The following TULP4 variants were observed in gnomAD, a reference collection of about 807,000 sequenced individuals.
TULP4 encodes TUB like protein 4, also known as tubby-related protein 4.
Under a neutral mutation model 129.0 loss-of-function variants are expected in TULP4, and 16 were observed. The ratio of observed to expected loss-of-function variants is 0.12; its 90% CI spans 0.08 to 0.19. The LOEUF is 0.19. TULP4 is among the 10% of genes least tolerant of loss of function. TULP4 has a pLI of 1.00. For missense variants in TULP4, 1,842 were observed against 2,059.1 expected, an observed-to-expected ratio of 0.89 and a Z score of 2.04; for synonymous variants, 998 against 854.0, an observed-to-expected ratio of 1.17 and a Z score of -2.94.
At chr6:158,490,469 A>G (rs955857332) in intron 9 of TULP4, among the ~76,000 whole-genome samples, 1 of 152,206 alleles carries the variant, frequency 6.6e-6, no homozygotes, top group African/African-American at 2.4e-5. Context: ...TCCACTGTAG[A>G]ACCTTTTTCT....
intron 1 of TULP4, among the ~76,000 whole-genome samples, chr6:158,246,695 C>T (rs2128449639): frequency 6.6e-6 from 1 of 152,208 alleles, no homozygotes; most frequent in East Asian, 1.9e-4. Context: ...ATTTTGAATT[C>T]ATGGATTTAA....
chr6:158,384,337 G>A (rs1047687401), intron 1 of TULP4, among the ~76,000 whole-genome samples: 1 of 148,558 alleles, frequency 6.7e-6, no homozygotes, highest in African/African-American at 2.5e-5. Context: ...ACCCAGGCTG[G>A]AGTGCAGTGG....
At chr6:158,400,139 A>T (rs1198901476) in intron 1 of TULP4, among the ~76,000 whole-genome samples, 1 of 152,244 alleles carries the variant, frequency 6.6e-6, no homozygotes, top group Non-Finnish European at 1.5e-5. Context: ...TACCATTTTG[A>T]TAAAGTTTAC....
intron 1 of TULP4, among the ~76,000 whole-genome samples, chr6:158,296,298 A>G (rs1779030266): frequency 6.6e-6 from 1 of 151,952 alleles, no homozygotes. Context: ...CGCCCCCAAT[A>G]TTTCAACGTA....
At chr6:158,455,751 A>T (rs1779279347) in intron 5 of TULP4, among the ~76,000 whole-genome samples, 1 of 151,840 alleles carries the variant, frequency 6.6e-6, no homozygotes, top group African/African-American at 2.4e-5. Context: ...AAAAAAAAAA[A>T]ATTATTTGCA....
chr6:158,471,389 T>C (rs548923772), intron 6 of TULP4, among the ~76,000 whole-genome samples: 1 of 152,304 alleles, frequency 6.6e-6, no homozygotes, highest in African/African-American at 2.4e-5. Flanking sequence ...GTGAGTGTAG[T>C]AGCAGGGCCA....
chr6:158,432,128 G>A (rs1372744104), intron 3 of TULP4, among the ~76,000 whole-genome samples: 2 of 143,934 alleles, frequency 1.4e-5, no homozygotes, highest in East Asian at 2.0e-4. Context: ...AAAAAAAAAA[G>A]GATTTGCAGG....
At chr6:158,383,139 C>T (rs2114920517) in intron 1 of TULP4, among the ~76,000 whole-genome samples, 1 of 152,302 alleles carries the variant, frequency 6.6e-6, no homozygotes, top group African/African-American at 2.4e-5. Flanking sequence ...TGTGCATCCT[C>T]CTCAAAGTCC....
Position 158,507,186 on chromosome 6 carries a change from CTGAT to C in TULP4, c.*494_*497del, listed in dbSNP as rs1162259121. On this transcript the variant is annotated 3_prime_UTR_variant, in exon 14 of 14. Transcript: ENST00000367097. ...GGATGGGGACAGCATTTGATTTACACTGATTATGTTACTCCCCAAAAGGTGACTT... is the reference window on the plus strand; with the variant it reads ...GGATGGGGACAGCATTTGATTTACACTATGTTACTCCCCAAAAGGTGACTT... 1.8e-5 allele frequency: 3 copies of C among 162,800 alleles called. No homozygotes were observed. The highest frequency in any genetic ancestry group is 7.2e-5 in the African/African-American group (3 of 41,462). 10.1% of individuals were successfully genotyped at this position (162,800 alleles called of 1,614,324 possible).
intron 6 of TULP4, among the ~76,000 whole-genome samples, chr6:158,464,213 TG>T (rs1321402695): frequency 6.6e-6 from 1 of 152,180 alleles, no homozygotes; most frequent in Non-Finnish European, 1.5e-5. Context: ...GGTCACAGCT[TG>T]GTTTTGTACA....
intron 1 of TULP4, among the ~76,000 whole-genome samples, chr6:158,285,297 A>G (rs1778817100): frequency 6.6e-6 from 1 of 152,076 alleles, no homozygotes; most frequent in Admixed American, 6.5e-5. Flanking sequence ...GTTGTTTATT[A>G]ACAATAAACA....
At chr6:158,489,800 A>T (rs1018833308) in intron 9 of TULP4, 68 bp downstream of exon 9, 44 of 1,586,876 alleles carry the variant, frequency 2.8e-5, no homozygotes, top group Non-Finnish European at 3.7e-5. Context: ...TGCCTGCAAC[A>T]GAATCGCATT....
Position 158,313,329 on chromosome 6 carries a change from G to A in TULP4, c.-688G>A, listed in dbSNP as rs1393545372. On this transcript the variant is annotated 5_prime_UTR_variant, in exon 1 of 14. Coordinates refer to ENST00000367097, the MANE Select transcript of TULP4 (RefSeq NM_020245.5). ...CTGGTTCTGAAACAACAAGGAGAGA[G>A]TCTGTTTTTCTTCCTAAAATTTGGA... 4 of 395,862 alleles carry A rather than the reference G, an allele frequency of 1.0e-5. No homozygotes were observed. The East Asian group carries it at 1.4e-4, about 14-fold the overall frequency. 24.5% of individuals were successfully genotyped at this position (395,862 alleles called of 1,614,324 possible).
chr6:158,340,054 T>C (rs1780145505), intron 1 of TULP4, among the ~76,000 whole-genome samples: 1 of 152,234 alleles, frequency 6.6e-6, no homozygotes, highest in South Asian at 2.1e-4. Flanking sequence ...TTAATTGTAT[T>C]GGCCAGGTGA....
chr6:158,483,389 G>A (rs1313995639), intron 8 of TULP4, among the ~76,000 whole-genome samples: 2 of 152,182 alleles, frequency 1.3e-5, no homozygotes, highest in African/African-American at 4.8e-5. Flanking sequence ...CTGCAGTGCA[G>A]TGGTGCCATT....
chr6:158,413,613 A>T lies in TULP4; in HGVS notation c.381+420A>T, dbSNP rs1328269260. 1.3e-5 allele frequency among the ~76,000 whole-genome samples: 2 copies of T among 152,196 alleles called. No homozygotes were observed. Among genetic ancestry groups the T allele is most frequent in the African/African-American group, 4.8e-5 (2 of 41,436 alleles). ...CTTCTCACAACCTGCTCAACAAGGA[A>T]AGGGTGCTACAATCTCTTCCACAGG... On this transcript the variant is annotated intron_variant, in intron 2 of 13. Transcript: ENST00000367097. The surrounding 1 kb of genome is among the most constrained non-coding windows in gnomAD (Gnocchi z 4.9).
At chr6:158,256,767 C>T (rs776760447) in intron 1 of TULP4, among the ~76,000 whole-genome samples, 2 of 152,162 alleles carry the variant, frequency 1.3e-5, no homozygotes, top group Non-Finnish European at 2.9e-5. Context: ...GTGATGTCGT[C>T]CCTCCCTATG....
rs532910188 is a variant in TULP4 at position 158,297,257 on chromosome 6, A to T, written n.117-14794A>T. Among the ~76,000 whole-genome samples, 106 of 152,320 alleles carry T rather than the reference A, an allele frequency of 7.0e-4. 1 individual carries two copies. The highest frequency in any genetic ancestry group is 6.9e-3 in the Admixed American group (105 of 15,304). ...CGTCCATTTATAGGCTCTCTGCAAG[A>T]AGAAAAATATGGCTGTATTCTGCCT... On this transcript the variant is annotated intron_variant and non_coding_transcript_variant, in intron 1 of 1. Coordinates refer to the TULP4 transcript ENST00000432358.
At position 158,493,088 on chromosome 6, in the gene TULP4, G is replaced by A. The variant is rs189589787; in HGVS notation, c.1632-485G>A. Among the ~76,000 whole-genome samples the A allele has an allele frequency of 1.4e-3, 217 of 152,334 alleles. 1 individual carries two copies. The highest frequency in any genetic ancestry group is 4.9e-3 in the African/African-American group (204 of 41,570). On this transcript the variant is annotated intron_variant, in intron 9 of 13. Coordinates refer to ENST00000367097, the MANE Select transcript of TULP4 (RefSeq NM_020245.5). This position sits in a 1 kb window ranked among gnomAD's most constrained non-coding sequence, Gnocchi z 4.4. ...TGATTGTGCAGGCCCCTGGCAGAAG[G>A]CCATTTCCACGCTTGCTCCAAGGCA... is the stretch of plus-strand genomic sequence containing the variant.
Sources: allele counts gnomAD v4.1 joint callset (sites outside exome capture counted in the v4.1 genomes callset), GRCh38; gene constraint gnomAD v4.1.1; non-coding constraint Gnocchi (gnomAD v3.1); transcripts MANE v1.5; gene names NCBI Gene and HGNC (gene_info 2026-07-23, HGNC 2026-07-21).